Variants in ZNF618 observed in about 807,000 individuals in gnomAD.
The protein encoded by ZNF618 is zinc finger protein 618.
A neutral mutation model predicts 103.0 loss-of-function variants in ZNF618; 34 were observed. The ratio of observed to expected loss-of-function variants is 0.33; its 90% CI spans 0.25 to 0.44. The LOEUF (loss-of-function observed/expected upper bound fraction) is 0.44, where lower values mean the gene tolerates loss of function less well. Among genes scored for constraint, ZNF618 ranks in the 20% least tolerant of loss-of-function variants. The pLI, the probability that ZNF618 is intolerant of heterozygous loss-of-function variation, is 1.00. For synonymous variants in ZNF618, 551 were observed against 542.2 expected (o/e 1.02, Z -0.23); for missense variants, 1,059 against 1,295.4 (o/e 0.82, Z 2.80).
chr9:113,977,808 A>G (rs915934886), intron 2 of ZNF618, among the ~76,000 whole-genome samples: 4 of 152,198 alleles, frequency 2.6e-5, no homozygotes, highest in Non-Finnish European at 5.9e-5. Context: ...CCACCCTGCT[A>G]AATTTTGGAG....
rs192232135 is a variant in ZNF618, at chr9:113,969,176, C to T, written c.77+16C>T. ...CTGCGAGCAGGTACACTCCCTCTCCCGCCCCCAGCTTGTCCACCCATCGAC... is the reference window on the plus strand; with the variant it reads ...CTGCGAGCAGGTACACTCCCTCTCCTGCCCCCAGCTTGTCCACCCATCGAC... On this transcript the variant is annotated intron_variant, in intron 2 of 14. Transcript: ENST00000374126. 4.9e-4 allele frequency: 794 copies of T among 1,613,920 alleles called. 1 individual carries two copies. In the African/African-American group the frequency reaches 8.6e-3, roughly 18 times the overall value.
intron 2 of ZNF618, among the ~76,000 whole-genome samples, chr9:113,979,445 C>T (rs1010554732): frequency 6.6e-6 from 1 of 152,228 alleles, no homozygotes; most frequent in African/African-American, 2.4e-5. Flanking sequence ...AACTTTGACA[C>T]TCAAGAAATA....
chr9:113,932,569 A>G (rs1482534357), intron 1 of ZNF618, among the ~76,000 whole-genome samples: 1 of 152,056 alleles, frequency 6.6e-6, no homozygotes, highest in African/African-American at 2.4e-5. Flanking sequence ...GACAGTAGAG[A>G]GGTGGTGGAG....
chr9:113,917,222 C>T (rs1319774861), intron 1 of ZNF618, among the ~76,000 whole-genome samples: 7 of 149,880 alleles, frequency 4.7e-5, no homozygotes, highest in Non-Finnish European at 7.4e-5. Context: ...GCCTAGCAAG[C>T]CTTCTCTCTA....
intron 1 of ZNF618, among the ~76,000 whole-genome samples, chr9:113,965,850 A>G (rs1271474828): frequency 6.6e-6 from 1 of 152,158 alleles, no homozygotes; most frequent in East Asian, 1.9e-4. Context: ...GACTATGTAT[A>G]CCAGGGCTGC....
intron 3 of ZNF618, among the ~76,000 whole-genome samples, chr9:113,992,703 A>G (rs979495233): frequency 2.0e-5 from 3 of 152,186 alleles, no homozygotes; most frequent in South Asian, 2.1e-4. Flanking sequence ...CCGAGTCCAC[A>G]CTGGCCCTTT....
chr9:113,914,044 T>C (rs556922643), intron 1 of ZNF618, among the ~76,000 whole-genome samples: 22 of 152,174 alleles, frequency 1.4e-4, no homozygotes, highest in African/African-American at 5.1e-4. Context: ...TTATTCAGCC[T>C]CCCCCAACCT....
At chr9:113,996,777 C>T (rs1840639198) in intron 3 of ZNF618, among the ~76,000 whole-genome samples, 2 of 152,172 alleles carry the variant, frequency 1.3e-5, no homozygotes, top group Non-Finnish European at 2.9e-5. Context: ...AGTCCTGTGG[C>T]AGCACCAGAC....
At chr9:113,981,230 C>A (rs148928774) in intron 2 of ZNF618, among the ~76,000 whole-genome samples, 74 of 152,184 alleles carry the variant, frequency 4.9e-4, no homozygotes, top group African/African-American at 1.8e-3. Context: ...TTTTTCTCCA[C>A]CCTTAACATT....
At chr9:114,006,998 C>T (rs1399906796) in intron 6 of ZNF618, among the ~76,000 whole-genome samples, 1 of 152,150 alleles carries the variant, frequency 6.6e-6, no homozygotes, top group Non-Finnish European at 1.5e-5. Flanking sequence ...TGTAAGCTAC[C>T]CTCAGAAGTG....
chr9:113,936,849 T>C (rs1834069192), intron 1 of ZNF618, among the ~76,000 whole-genome samples: 1 of 152,384 alleles, frequency 6.6e-6, no homozygotes, highest in East Asian at 1.9e-4. Flanking sequence ...AGCTATTTAA[T>C]CCATGTGGGA....
chr9:113,983,189 A>G (rs1839127873), intron 2 of ZNF618, among the ~76,000 whole-genome samples: 1 of 152,190 alleles, frequency 6.6e-6, no homozygotes, highest in Admixed American at 6.5e-5. Flanking sequence ...GTACATTTAA[A>G]TGGATATAAT....
intron 3 of ZNF618, among the ~76,000 whole-genome samples, chr9:113,996,035 G>T (rs564929602): frequency 6.6e-6 from 1 of 152,116 alleles, no homozygotes; most frequent in Non-Finnish European, 1.5e-5. Context: ...AGGCTGTGTG[G>T]ACCTACTTAC....
chr9:114,016,163 CAA>C (rs779002933), intron 9 of ZNF618: 1 of 1,612,558 alleles, frequency 6.2e-7, no homozygotes, highest in Non-Finnish European at 8.5e-7. Flanking sequence ...TAGGCAGTGC[CAA>C]AAGAGAGGTA....
chr9:114,050,364 C>T lies in ZNF618; in HGVS notation c.*197C>T, dbSNP rs1238422295. The T allele has an allele frequency of 3.3e-6, 2 of 610,502 alleles. No homozygotes were observed. The highest frequency in any genetic ancestry group is 2.5e-5 in the South Asian group (1 of 40,372). The allele number at this position is 610,502 out of a possible 1,614,324, so 37.8% of individuals were successfully genotyped here. ...CACAGCCACACGTGTGTGCACGTGT[C>T]TGAACACGTGCTGTGGTTGTGGGGG... On this transcript the variant is annotated 3_prime_UTR_variant, in exon 15 of 15. Transcript: ENST00000374126.
At chr9:113,929,335 GT>G (rs1833370905) in intron 1 of ZNF618, among the ~76,000 whole-genome samples, 1 of 152,204 alleles carries the variant, frequency 6.6e-6, no homozygotes, top group Non-Finnish European at 1.5e-5. Context: ...GCAGTTGACT[GT>G]CTCTGCAGAT....
intron 1 of ZNF618, among the ~76,000 whole-genome samples, chr9:113,947,399 A>G (rs1269178750): frequency 1.3e-5 from 2 of 152,204 alleles, no homozygotes; most frequent in Non-Finnish European, 2.9e-5. Flanking sequence ...TGCTGAGCAC[A>G]TGTGATGGTG....
At position 114,001,975 on chromosome 9, in the gene ZNF618, C is replaced by G. The variant is rs370742953; in HGVS notation, c.434-21C>G. The G allele has an allele frequency of 6.2e-6, 10 of 1,611,484 alleles. No homozygotes were observed. The South Asian group carries it at 7.7e-5, about 12-fold the overall frequency. On this transcript the variant is annotated intron_variant, in intron 4 of 14. Coordinates refer to ENST00000374126, the MANE Select transcript of ZNF618 (RefSeq NM_001318042.2). ...GGTCACAGAGGTTGGGTGACCAGTC[C>G]TTTCCTCTTCTGTTTTCCAGGGTCT...
Position 114,032,608 on chromosome 9 carries a change from A to G in ZNF618, c.1085-37A>G, listed in dbSNP as rs775555344. On this transcript the variant is annotated intron_variant, in intron 11 of 14. Coordinates refer to ENST00000374126, the MANE Select transcript of ZNF618 (RefSeq NM_001318042.2). ...CCTTGAGACCTAGTGCTGACCAATC[A>G]CCATTGTTTTCTTTCTCTCTCCTGT... The G allele has an allele frequency of 4.4e-6, 7 of 1,600,396 alleles. No homozygotes were observed. In the African/African-American group the frequency reaches 9.4e-5, roughly 21 times the overall value.
Sources: allele counts gnomAD v4.1 joint callset (sites outside exome capture counted in the v4.1 genomes callset), GRCh38; gene constraint gnomAD v4.1.1; transcripts MANE v1.5; gene names NCBI Gene and HGNC (gene_info 2026-07-23, HGNC 2026-07-21).